The following SPAST variants were observed in gnomAD, a reference collection of about 807,000 sequenced individuals.
The protein encoded by SPAST is spastin, also known as spastic paraplegia 4 (autosomal dominant; spastin).
In SPAST, 30 loss-of-function variants were observed where a neutral mutation model predicts 76.6. That is an observed-to-expected ratio of 0.39 (90% CI 0.29 to 0.53). The LOEUF (loss-of-function observed/expected upper bound fraction) is 0.53, where lower values mean the gene tolerates loss of function less well. Ranked by LOEUF, SPAST falls within the 20% of genes least tolerant of loss-of-function variation. The pLI, the probability that SPAST is intolerant of heterozygous loss-of-function variation, is 0.68. For synonymous variants in SPAST, 305 were observed against 281.0 expected, an observed-to-expected ratio of 1.09 and a Z score of -0.86; for missense variants, 717 against 770.5, an observed-to-expected ratio of 0.93 and a Z score of 0.82.
At chr2:32,148,404 G>A in intron 16 of SPAST, among the ~76,000 whole-genome samples, 1 of 152,054 alleles carries the variant, frequency 6.6e-6, no homozygotes, top group South Asian at 2.1e-4. Context: ...GGGTGCGGTG[G>A]CTCACGCCTG....
chr2:32,094,712 A>G (rs1465291724), intron 3 of SPAST, among the ~76,000 whole-genome samples: 1 of 152,204 alleles, frequency 6.6e-6, no homozygotes, highest in African/African-American at 2.4e-5. Context: ...GCTCATGCCT[A>G]TAATCCCAGC....
At chr2:32,124,251 C>G (rs930265684) in intron 7 of SPAST, among the ~76,000 whole-genome samples, 5 of 152,116 alleles carry the variant, frequency 3.3e-5, no homozygotes, top group African/African-American at 1.2e-4. Flanking sequence ...AGATAGATGA[C>G]AACAAGCATA....
intron 4 of SPAST, among the ~76,000 whole-genome samples, chr2:32,105,861 G>C (rs557775621): frequency 2.1e-4 from 32 of 152,192 alleles, no homozygotes; most frequent in African/African-American, 5.8e-4. Context: ...TGAGGCGTCA[G>C]TCAGCCCGTA....
intron 7 of SPAST, among the ~76,000 whole-genome samples, chr2:32,122,020 T>G (rs2148739943): frequency 6.6e-6 from 1 of 152,320 alleles, no homozygotes; most frequent in South Asian, 2.1e-4. Context: ...TCCACTTATA[T>G]TACGTGGAAC....
intron 3 of SPAST, among the ~76,000 whole-genome samples, chr2:32,092,765 T>C (rs1199490245): frequency 1.3e-5 from 2 of 152,146 alleles, no homozygotes; most frequent in East Asian, 3.8e-4. Context: ...CCCAGCACTT[T>C]GGGAGGCCAA....
Position 32,074,375 on chromosome 2 carries a change from A to C in SPAST, c.415+10129A>C, listed in dbSNP as rs556159940. ...CATAATTGTAGAGTGGTCTTGTTCCACCGTGGTCACAGAGTGGCATTATTT... is the reference window on the plus strand; with the variant it reads ...CATAATTGTAGAGTGGTCTTGTTCCCCCGTGGTCACAGAGTGGCATTATTT... On this transcript the variant is annotated intron_variant, in intron 1 of 16. Coordinates refer to ENST00000315285, the MANE Select transcript of SPAST (RefSeq NM_014946.4). Among the ~76,000 whole-genome samples, 14 of 152,288 alleles carry C rather than the reference A, an allele frequency of 9.2e-5. No homozygotes were observed. The South Asian group carries it at 2.9e-3, about 32-fold the overall frequency.
chr2:32,106,912 T>C (rs951203154), intron 4 of SPAST, among the ~76,000 whole-genome samples: 1 of 151,402 alleles, frequency 6.6e-6, no homozygotes, highest in Non-Finnish European at 1.5e-5. Context: ...CAAAGAAATG[T>C]AAGAGTCCAT....
At position 32,073,502 on chromosome 2, in the gene SPAST, T is replaced by C. The variant is rs75732934; in HGVS notation, c.415+9256T>C. Among the ~76,000 whole-genome samples the C allele has an allele frequency of 7.0e-3, 1,072 of 152,254 alleles. 14 individuals carry two copies. Among genetic ancestry groups the C allele is most frequent in the African/African-American group, 0.024 (1,008 of 41,552 alleles). On this transcript the variant is annotated intron_variant, in intron 1 of 16. Transcript: ENST00000315285. ...TCACTCTTTTTTTTAAAAATGTTTT[T>C]AAAGCAAGATAGAGACAGGGTCTTG...
intron 4 of SPAST, among the ~76,000 whole-genome samples, chr2:32,111,426 G>A (rs1159297742): frequency 1.4e-5 from 2 of 146,476 alleles, no homozygotes; most frequent in Non-Finnish European, 3.0e-5. Context: ...ATAGTGTATA[G>A]AGTATATATA....
chr2:32,085,824 A>G (rs1243860497), intron 1 of SPAST, among the ~76,000 whole-genome samples: 2 of 151,298 alleles, frequency 1.3e-5, no homozygotes, highest in Non-Finnish European at 2.9e-5. Context: ...GAGGATCACA[A>G]CAAGGTCAGG....
At chr2:32,114,539 T>G (rs939245156) in intron 4 of SPAST, 99 bp from the exon 5 acceptor site, 1 of 924,538 alleles carries the variant, frequency 1.1e-6, no homozygotes, top group African/African-American at 1.7e-5. Context: ...ATTTTTGAAT[T>G]AAAAAAATAT....
intron 3 of SPAST, among the ~76,000 whole-genome samples, chr2:32,094,644 C>G (rs545183877): frequency 9.2e-5 from 14 of 152,308 alleles, no homozygotes; most frequent in African/African-American, 3.4e-4. Context: ...TGAGCTTTTA[C>G]CGCCTGTGAA....
chr2:32,115,859 T>G lies in SPAST; in HGVS notation c.1004+24T>G, dbSNP rs777516634. On this transcript the variant is annotated intron_variant, in intron 6 of 16. Coordinates refer to ENST00000315285, the MANE Select transcript of SPAST (RefSeq NM_014946.4). ...AAGTAAGTTTTGCCATCTAAATGTT[T>G]TATTTTATAGTTTTTATATTTTAAT... 17 of 1,571,818 alleles carry G rather than the reference T, an allele frequency of 1.1e-5. No homozygotes were observed. In the Admixed American group the frequency reaches 2.9e-4, roughly 27 times the overall value.
At chr2:32,075,836 G>A (rs1278762813) in intron 1 of SPAST, among the ~76,000 whole-genome samples, 2 of 140,910 alleles carry the variant, frequency 1.4e-5, no homozygotes. Context: ...TTACAGGCGT[G>A]AGCCCTGCTC....
At chr2:32,083,687 T>G (rs1273556935) in intron 1 of SPAST, among the ~76,000 whole-genome samples, 3 of 140,890 alleles carry the variant, frequency 2.1e-5, no homozygotes, top group African/African-American at 7.7e-5. Context: ...TTTTATGCTA[T>G]ATATAGAGTA....
chr2:32,140,440 T>C (rs907306425), intron 12 of SPAST, among the ~76,000 whole-genome samples: 3 of 152,062 alleles, frequency 2.0e-5, no homozygotes, highest in Non-Finnish European at 4.4e-5. Context: ...CTGGCCAACA[T>C]AGTACAACCC....
At chr2:32,116,077 C>A in intron 6 of SPAST, 42 bp from the exon 7 acceptor site, 1 of 1,375,838 alleles carries the variant, frequency 7.3e-7, no homozygotes, top group Non-Finnish European at 1.0e-6. Flanking sequence ...AATAACTGGG[C>A]CCTGTTTGTA....
intron 4 of SPAST, among the ~76,000 whole-genome samples, chr2:32,100,156 A>G (rs932902617): frequency 2.0e-5 from 3 of 152,108 alleles, no homozygotes; most frequent in African/African-American, 7.2e-5. Flanking sequence ...CTTTCTACAC[A>G]TCCTCACCAG....
chr2:32,082,005 C>CTTTTTT (rs35493322), intron 1 of SPAST, among the ~76,000 whole-genome samples: 47 of 71,244 alleles, frequency 6.6e-4, no homozygotes, highest in South Asian at 2.1e-3. Context: ...AGTTCTCTCT[C>CTTTTTT]TTTTTTTTTT....
Sources: gnomAD v4.1 joint callset for allele counts (sites outside exome capture counted in the v4.1 genomes callset) on GRCh38, gnomAD v4.1.1 for gene constraint, MANE v1.5 for transcripts, NCBI Gene and HGNC (gene_info 2026-07-23, HGNC 2026-07-21) for gene names.